Variants in SMARCC1 observed in about 807,000 individuals in gnomAD.
SMARCC1 encodes the protein SWI/SNF related BAF chromatin remodeling complex subunit C1, also known as SWI/SNF complex subunit SMARCC1.
Under a neutral mutation model 147.4 loss-of-function variants are expected in SMARCC1, and 43 were observed. The ratio of observed to expected loss-of-function variants is 0.29; its 90% CI spans 0.23 to 0.38. The LOEUF is 0.38. Among genes scored for constraint, SMARCC1 ranks in the 10% least tolerant of loss-of-function variants. SMARCC1 has a pLI of 1.00. For synonymous variants in SMARCC1, 495 were observed against 484.4 expected, an observed-to-expected ratio of 1.02 and a Z score of -0.29; for missense variants, 1,119 against 1,381.1, an observed-to-expected ratio of 0.81 and a Z score of 3.01.
Position 47,677,699 on chromosome 3 carries a change from C to T in SMARCC1, c.1571+499G>A, listed in dbSNP as rs1207474277. Among the ~76,000 whole-genome samples, 4 of 151,926 alleles carry T rather than the reference C, an allele frequency of 2.6e-5. No homozygotes were observed. The East Asian group carries it at 5.8e-4, about 22-fold the overall frequency. ...CTAAGATTACAGTCATGTGCCACCA[C>T]GCTTGGCTAATTTTTATATTTTTAG... On this transcript the variant is annotated intron_variant, in intron 16 of 27. Transcript: ENST00000254480.
chr3:47,679,143 G>C (rs1268198654), intron 15 of SMARCC1, among the ~76,000 whole-genome samples: 2 of 144,552 alleles, frequency 1.4e-5, no homozygotes, highest in Admixed American at 7.2e-5. Flanking sequence ...GGCACACAAA[G>C]AAAACAAAAT....
chr3:47,655,915 A>T (rs1460089945), intron 21 of SMARCC1, among the ~76,000 whole-genome samples: 1 of 152,088 alleles, frequency 6.6e-6, no homozygotes, highest in Admixed American at 6.5e-5. Flanking sequence ...TACTACAAAT[A>T]ATTACAGAGA....
intron 5 of SMARCC1, among the ~76,000 whole-genome samples, chr3:47,729,489 G>A (rs1456081368): frequency 6.6e-6 from 1 of 152,060 alleles, no homozygotes; most frequent in Non-Finnish European, 1.5e-5. Flanking sequence ...GGGTTCAAAC[G>A]ATTCTCCTGC....
At chr3:47,766,126 G>A (rs1320410452) in intron 2 of SMARCC1, among the ~76,000 whole-genome samples, 1 of 152,114 alleles carries the variant, frequency 6.6e-6, no homozygotes, top group Admixed American at 6.6e-5. Context: ...ACGTAAAAAA[G>A]AAAACAAAAT....
chr3:47,604,357 A>G, intron 26 of SMARCC1: 1 of 452,042 alleles, frequency 2.2e-6, no homozygotes, highest in Non-Finnish European at 4.4e-6. Flanking sequence ...GGCATTCAGA[A>G]GCTGATTATT....
intron 1 of SMARCC1, among the ~76,000 whole-genome samples, chr3:47,779,804 C>T (rs945690207): frequency 1.3e-5 from 2 of 152,146 alleles, no homozygotes; most frequent in Non-Finnish European, 2.9e-5. Context: ...AGGAATATGC[C>T]TGTAGATTAT....
At chr3:47,649,482 T>A (rs772632339) in intron 21 of SMARCC1, among the ~76,000 whole-genome samples, 122 of 152,236 alleles carry the variant, frequency 8.0e-4, no homozygotes, top group Non-Finnish European at 1.1e-3. Context: ...TTAGTTGGGT[T>A]CTTTAACACA....
chr3:47,733,917 G>C (rs1319693818), intron 5 of SMARCC1, among the ~76,000 whole-genome samples: 1 of 147,720 alleles, frequency 6.8e-6, no homozygotes, highest in African/African-American at 2.5e-5. Context: ...ACACATATGT[G>C]CTTGTATATA....
chr3:47,757,838 C>G lies in SMARCC1; in HGVS notation c.316-11845G>C, dbSNP rs1270984098. ...AAAAGAAAATCAGAATGCTCATACA[C>G]TGTTTGTGGGAGTATAAATTGGTAG... On this transcript the variant is annotated intron_variant, in intron 2 of 27. Coordinates refer to ENST00000254480, the MANE Select transcript of SMARCC1 (RefSeq NM_003074.4). 5.3e-5 allele frequency among the ~76,000 whole-genome samples: 8 copies of G among 151,220 alleles called. No individual in the cohort carries two copies. The East Asian group carries it at 1.6e-3, about 29-fold the overall frequency.
At chr3:47,724,246 CA>C (rs2034271577) in intron 6 of SMARCC1, among the ~76,000 whole-genome samples, 1 of 152,062 alleles carries the variant, frequency 6.6e-6, no homozygotes, top group Admixed American at 6.6e-5. Context: ...AGTCAAAATG[CA>C]AAAGCAACCT....
Position 47,610,196 on chromosome 3 carries a change from G to C in SMARCC1, c.2913C>G (p.His971Gln). ...CCAGGCCAGGTCCTCCTGAGTGCTG[G>C]TGTGCCTGTTGAGGGTTCTGGCCAT... is the stretch of plus-strand genomic sequence containing the variant. The part of the protein sequence containing the change: ...QQHGQNPQQA[H>Q]QHSGGPGLAP... Residue 971 changes from histidine to glutamine, a missense_variant, in exon 26 of 28, where the codon CAC (histidine) becomes CAG (glutamine). Physicochemically the swap from His to Gln is conservative, Grantham distance 24 (BLOSUM62 0). Coordinates refer to ENST00000254480, the MANE Select transcript of SMARCC1 (RefSeq NM_003074.4). 1 of 1,614,202 alleles carries C rather than the reference G, an allele frequency of 6.2e-7. No homozygotes were observed. The highest frequency in any genetic ancestry group is 8.5e-7 in the Non-Finnish European group (1 of 1,180,042).
intron 18 of SMARCC1, among the ~76,000 whole-genome samples, chr3:47,675,103 T>C (rs919208466): frequency 1.3e-5 from 2 of 152,154 alleles, no homozygotes; most frequent in African/African-American, 4.8e-5. Flanking sequence ...CTCAATCCAA[T>C]TTTTTCTCTT....
At chr3:47,703,992 G>A (rs545567639) in intron 10 of SMARCC1, among the ~76,000 whole-genome samples, 2 of 152,058 alleles carry the variant, frequency 1.3e-5, no homozygotes, top group African/African-American at 2.4e-5. Context: ...TAGAGACAGC[G>A]TTTCACCGTG....
intron 26 of SMARCC1, among the ~76,000 whole-genome samples, chr3:47,597,249 T>C (rs975117145): frequency 2.0e-5 from 3 of 152,064 alleles, no homozygotes; most frequent in African/African-American, 7.2e-5. Flanking sequence ...AGTGAACTCC[T>C]GGGTTGAAGT....
chr3:47,686,242 T>C, intron 13 of SMARCC1, 72 bp from the exon 14 acceptor site: 1 of 1,216,330 alleles, frequency 8.2e-7, no homozygotes, highest in Non-Finnish European at 1.2e-6. Context: ...TCTCTTACAC[T>C]TCAGTTGTTA....
At chr3:47,618,683 G>T (rs870622) in intron 25 of SMARCC1, among the ~76,000 whole-genome samples, 90,495 of 151,978 alleles carry the variant, frequency 0.6, 28,200 homozygotes, top group East Asian at 0.72. Context: ...TTGGTGTCTG[G>T]GGGCCAGTAG....
intron 24 of SMARCC1, among the ~76,000 whole-genome samples, chr3:47,633,021 T>G (rs1267895452): frequency 6.6e-6 from 1 of 151,700 alleles, no homozygotes; most frequent in East Asian, 1.9e-4. Context: ...AGACTAGTGA[T>G]TACTCTCCAG....
chr3:47,630,038 G>A (rs2032866276), intron 24 of SMARCC1, among the ~76,000 whole-genome samples: 1 of 151,712 alleles, frequency 6.6e-6, no homozygotes. Flanking sequence ...GCTTTATAGA[G>A]CCTGAGAAGA....
intron 21 of SMARCC1, among the ~76,000 whole-genome samples, chr3:47,650,298 A>AATAATT (rs770226262): frequency 1.1e-3 from 160 of 141,056 alleles, no homozygotes; most frequent in East Asian, 2.8e-3. Context: ...TAATAATAAT[A>AATAATT]ATTATTATTA....
Sources: allele counts gnomAD v4.1 joint callset (sites outside exome capture counted in the v4.1 genomes callset), GRCh38; gene constraint gnomAD v4.1.1; transcripts MANE v1.5; gene names NCBI Gene and HGNC (gene_info 2026-07-23, HGNC 2026-07-21).